The following TMEM71 variants were observed in gnomAD, a reference collection of about 807,000 sequenced individuals.
TMEM71 encodes transmembrane protein 71.
TMEM71 carries 44 observed loss-of-function variants against 38.0 expected under a neutral mutation model. That is an observed-to-expected ratio of 1.16 (90% CI 0.91 to 1.49). The LOEUF is 1.49. Among genes scored for constraint, TMEM71 ranks in the 40% most tolerant of loss-of-function variants. TMEM71 has a pLI of 0.00. For missense variants in TMEM71, 367 were observed against 348.6 expected (o/e 1.05, Z -0.42); for synonymous variants, 133 against 122.5 (o/e 1.09, Z -0.56).
At chr8:132,725,503 T>C (rs186066435) in intron 6 of TMEM71, among the ~76,000 whole-genome samples, 27 of 152,310 alleles carry the variant, frequency 1.8e-4, no homozygotes, top group Non-Finnish European at 2.5e-4. Flanking sequence ...ATAAATTCTA[T>C]TGATTAATCC....
intron 7 of TMEM71, among the ~76,000 whole-genome samples, chr8:132,720,378 C>A (rs1417639744): frequency 6.6e-6 from 1 of 152,116 alleles, no homozygotes; most frequent in Non-Finnish European, 1.5e-5. Flanking sequence ...AAGGGCTCTG[C>A]GATCAACTTG....
chr8:132,769,674 C>T, the TMEM71 span, among the ~76,000 whole-genome samples: 1 of 152,196 alleles, frequency 6.6e-6, no homozygotes, highest in Non-Finnish European at 1.5e-5. Context: ...TGTGAGGACA[C>T]AGTGAGAAGG....
intron 4 of TMEM71, among the ~76,000 whole-genome samples, chr8:132,749,507 T>A (rs2131169053): frequency 6.6e-6 from 1 of 152,282 alleles, no homozygotes; most frequent in East Asian, 1.9e-4. Flanking sequence ...TCTGTACCAT[T>A]TACGGGCTGG....
Position 132,758,850 on chromosome 8 carries a change from T to C in TMEM71, c.30A>G (p.Thr10=). ...TTCTTCTACATTTACTTGCTACTGG[T>C]GTTGACATCAGTTGAGATATTCGGT... MYRISQLMS[T]PVASSSRLER... The change falls in exon 2 of 10, where the codon ACA becomes ACG. Residue 10 remains threonine, a synonymous_variant. Coordinates refer to ENST00000677595, the MANE Select transcript of TMEM71 (RefSeq NM_001382403.1). 6.2e-7 allele frequency: 1 copy of C among 1,613,770 alleles called. No individual in the cohort carries two copies.
At chr8:132,718,754 A>G (rs1333252560) in intron 7 of TMEM71, among the ~76,000 whole-genome samples, 1 of 152,224 alleles carries the variant, frequency 6.6e-6, no homozygotes, top group East Asian at 1.9e-4. Flanking sequence ...ATGATGGAGC[A>G]TGTCTGCTAT....
chr8:132,707,527 T>G (rs1203775883), downstream of TMEM71, among the ~76,000 whole-genome samples: 1 of 152,080 alleles, frequency 6.6e-6, no homozygotes, highest in East Asian at 1.9e-4. Context: ...GAGAATAGAT[T>G]AGTTATCTCG....
chr8:132,753,362 G>A (rs1018432733), intron 3 of TMEM71, among the ~76,000 whole-genome samples: 7 of 152,142 alleles, frequency 4.6e-5, no homozygotes. Flanking sequence ...TAGCTCTCAT[G>A]TGCTCTTTAC....
chr8:132,744,734 C>T (rs540132166), intron 5 of TMEM71, among the ~76,000 whole-genome samples: 2 of 152,168 alleles, frequency 1.3e-5, no homozygotes, highest in East Asian at 3.9e-4. Flanking sequence ...CAATTCTAAG[C>T]AAAAAGAACA....
the TMEM71 span, among the ~76,000 whole-genome samples, chr8:132,768,522 C>T: frequency 2.0e-5 from 3 of 151,926 alleles, no homozygotes; most frequent in African/African-American, 7.3e-5. Context: ...CTACTGTTTG[C>T]TCAGGGTTCA....
intron 2 of TMEM71, chr8:132,757,902 G>T (rs1169267683): frequency 1.3e-5 from 2 of 151,756 alleles, no homozygotes; most frequent in African/African-American, 2.4e-5. Flanking sequence ...CTGAGCTCAT[G>T]TAAGGATGGG....
chr8:132,751,005 A>G (rs1586804222), intron 4 of TMEM71, among the ~76,000 whole-genome samples: 1 of 151,952 alleles, frequency 6.6e-6, no homozygotes, highest in Non-Finnish European at 1.5e-5. Context: ...CATTTTTCCC[A>G]TTGTACTCAC....
intron 5 of TMEM71, among the ~76,000 whole-genome samples, chr8:132,740,284 T>G (rs1395773620): frequency 6.6e-6 from 1 of 152,142 alleles, no homozygotes; most frequent in African/African-American, 2.4e-5. Flanking sequence ...CCCCCAGATA[T>G]CCACAGAGCT....
chr8:132,735,902 G>A (rs143498032), intron 5 of TMEM71, among the ~76,000 whole-genome samples: 260 of 152,192 alleles, frequency 1.7e-3, no homozygotes, highest in Non-Finnish European at 2.0e-3. Context: ...CTTTATAACA[G>A]TCACGTAAAT....
At chr8:132,715,409 C>CAAAAA (rs975995287) in intron 7 of TMEM71, among the ~76,000 whole-genome samples, 2,371 of 21,528 alleles carry the variant, frequency 0.11, 226 homozygotes, top group East Asian at 0.24. Flanking sequence ...GACTCCGTCT[C>CAAAAA]AAAAAAAAAA....
Position 132,751,784 on chromosome 8 carries a change from C to G in TMEM71, c.314+1G>C. On this transcript the variant is annotated splice_donor_variant, in intron 4 of 9. Coordinates refer to ENST00000677595, the MANE Select transcript of TMEM71 (RefSeq NM_001382403.1). LOFTEE classifies it high-confidence loss of function. ...TTCTTTCTGTAATATGCTCTGCTTA[C>G]CTAACTAAGTTCTCCTTATACATAA... The G allele has an allele frequency of 6.2e-7, 1 of 1,612,676 alleles. No homozygotes were observed.
chr8:132,716,200 C>T (rs927917828), intron 7 of TMEM71, among the ~76,000 whole-genome samples: 4 of 152,238 alleles, frequency 2.6e-5, no homozygotes, highest in African/African-American at 9.6e-5. Context: ...TGCTCCTGCC[C>T]CTGGCCTCTC....
intron 4 of TMEM71, among the ~76,000 whole-genome samples, chr8:132,750,162 T>C (rs1262230196): frequency 6.6e-6 from 1 of 152,126 alleles, no homozygotes; most frequent in Admixed American, 6.5e-5. Context: ...AATAAAAAGG[T>C]CAAGTCTAGA....
upstream of TMEM71, among the ~76,000 whole-genome samples, chr8:132,765,143 A>G (rs1253635414): frequency 2.6e-5 from 4 of 152,204 alleles, no homozygotes; most frequent in Admixed American, 1.3e-4. Context: ...TAATATGTTA[A>G]CTTGGCCAAG....
chr8:132,763,928 C>T (rs1829332870), upstream of TMEM71, among the ~76,000 whole-genome samples: 2 of 152,214 alleles, frequency 1.3e-5, no homozygotes, highest in South Asian at 4.1e-4. Context: ...AATTTTAACA[C>T]ACTACAAACA....
Sources: gnomAD v4.1 joint callset for allele counts (sites outside exome capture counted in the v4.1 genomes callset) on GRCh38, gnomAD v4.1.1 for gene constraint, MANE v1.5 for transcripts, NCBI Gene and HGNC (gene_info 2026-07-23, HGNC 2026-07-21) for gene names.